The following BDP1 variants were observed in gnomAD, a reference collection of about 807,000 sequenced individuals.
BDP1 encodes the protein transcription factor TFIIIB component B'' homolog.
BDP1 carries 169 observed loss-of-function variants against 266.6 expected under a neutral mutation model. The ratio of observed to expected loss-of-function variants is 0.63; its 90% CI spans 0.56 to 0.72. The LOEUF (loss-of-function observed/expected upper bound fraction) is 0.72. Ranked by LOEUF, BDP1 falls within the 30% of genes least tolerant of loss-of-function variation. The pLI, the probability that BDP1 is intolerant of heterozygous loss-of-function variation, is 0.00. For missense variants in BDP1, 3,015 were observed against 3,053.8 expected, an observed-to-expected ratio of 0.99 and a Z score of 0.30; for synonymous variants, 1,090 against 1,022.4, an observed-to-expected ratio of 1.07 and a Z score of -1.26.
intron 7 of BDP1, among the ~76,000 whole-genome samples, chr5:71,481,727 C>T (rs1762981388): frequency 6.6e-6 from 1 of 152,156 alleles, no homozygotes. Context: ...ATCTGATTTA[C>T]AGAAAATAAT....
chr5:71,556,390 A>T (rs1004859967), intron 35 of BDP1, among the ~76,000 whole-genome samples: 2 of 151,940 alleles, frequency 1.3e-5, no homozygotes, highest in African/African-American at 4.8e-5. Context: ...AGTGTTTATT[A>T]TGTGGGATGC....
At chr5:71,549,245 C>CA (rs1481003434) in intron 33 of BDP1, among the ~76,000 whole-genome samples, 175 bp from the exon 34 acceptor site, 4 of 151,866 alleles carry the variant, frequency 2.6e-5, no homozygotes, top group Non-Finnish European at 5.9e-5. Flanking sequence ...CTCCCCCCCG[C>CA]AAAAAAGGAG....
At chr5:71,571,621 G>GTTTA (rs58181798), downstream of BDP1, among the ~76,000 whole-genome samples, 119,745 of 151,454 alleles carry the variant, frequency 0.79, 47,834 homozygotes, top group East Asian at 0.88. Flanking sequence ...CAATCCTGAA[G>GTTTA]TTTATTTTAA....
Position 71,487,279 on chromosome 5 carries a change from T to C in BDP1, c.1213+652T>C, listed in dbSNP as rs552624693. Among the ~76,000 whole-genome samples, 218 of 152,272 alleles carry C rather than the reference T, an allele frequency of 1.4e-3. 1 individual carries two copies. Among genetic ancestry groups the C allele is most frequent in the African/African-American group, 4.9e-3 (205 of 41,570 alleles). ...TTTTTTGAGACAGAGTTTCGCTCTG[T>C]TGCCCAGGCTGGAGTGCAGTGGCAC... On this transcript the variant is annotated intron_variant, in intron 9 of 38. Transcript: ENST00000358731.
In BDP1 at chr5:71,552,046, G is replaced by A. The variant is rs1464501663; in HGVS notation, c.6996-1070G>A. On this transcript the variant is annotated intron_variant, in intron 34 of 38. Transcript: ENST00000358731. Reference sequence around the variant, plus strand: ...GACGGGGTGGCTGCCGGGCGGAGACGCTCCTCACTTCCCAGACGGGGTGGC... The same window carrying A: ...GACGGGGTGGCTGCCGGGCGGAGACACTCCTCACTTCCCAGACGGGGTGGC... Among the ~76,000 whole-genome samples, 228 of 144,202 alleles carry A rather than the reference G, an allele frequency of 1.6e-3. 1 individual carries two copies. Among genetic ancestry groups the A allele is most frequent in the Admixed American group, 3.1e-3 (45 of 14,730 alleles). 94.6% of individuals were successfully genotyped at this position (144,202 alleles called of 152,430 possible).
At chr5:71,540,189 T>C (rs1766881108) in intron 28 of BDP1, among the ~76,000 whole-genome samples, 1 of 152,218 alleles carries the variant, frequency 6.6e-6, no homozygotes, top group East Asian at 1.9e-4. Context: ...GTGATAAATC[T>C]TTACTATCTC....
chr5:71,524,223 A>C lies in BDP1; in HGVS notation c.5672A>C (p.His1891Pro), dbSNP rs962441423. 3 of 1,614,092 alleles carry C rather than the reference A, an allele frequency of 1.9e-6. No individual in the cohort carries two copies. The African/African-American group carries it at 4.0e-5, about 22-fold the overall frequency. Residue 1891 changes from histidine (H) to proline (P), a missense_variant, in exon 25 of 39, where the codon CAT becomes CCT. This residue lies in a region of BDP1 where 2,383 missense variants were observed against 2,404.9 expected (regional missense o/e 0.99). Coordinates refer to ENST00000358731, the MANE Select transcript of BDP1 (RefSeq NM_018429.3). ...TCTGACTATGAGGAAGAAAGCTATCATCTTGCTCCCGAAGAAGTAAACAAA... is the reference window on the plus strand; with the variant it reads ...TCTGACTATGAGGAAGAAAGCTATCCTCTTGCTCCCGAAGAAGTAAACAAA... Reference protein sequence around the residue: ...FESDYEEESYHLAPEEVNKAP... With the variant: ...FESDYEEESYPLAPEEVNKAP...
At chr5:71,543,748 G>A (rs976834111) in intron 30 of BDP1, among the ~76,000 whole-genome samples, 2 of 152,180 alleles carry the variant, frequency 1.3e-5, no homozygotes, top group African/African-American at 4.8e-5. Context: ...TACATATCAA[G>A]CAATTCAGCT....
chr5:71,514,029 G>T (rs887748203), intron 19 of BDP1, among the ~76,000 whole-genome samples: 1 of 151,914 alleles, frequency 6.6e-6, no homozygotes, highest in African/African-American at 2.4e-5. Flanking sequence ...GAGAATAATC[G>T]TTTTTTATTT....
intron 34 of BDP1, among the ~76,000 whole-genome samples, chr5:71,552,686 G>A (rs1742926692): frequency 1.3e-5 from 2 of 149,652 alleles, no homozygotes; most frequent in South Asian, 2.1e-4. Flanking sequence ...CAGGTGTGGT[G>A]TCGCGCGCCT....
In BDP1 at chr5:71,466,706, A is replaced by T. The variant is rs1244174734; in HGVS notation, c.785+485A>T. On this transcript the variant is annotated intron_variant, in intron 5 of 38. Transcript: ENST00000358731. ...GGTTTAATTTCTCAGTTATAACATTAAATTTTGCACATTGGGCATTGTGGA... is the reference window on the plus strand; with the variant it reads ...GGTTTAATTTCTCAGTTATAACATTTAATTTTGCACATTGGGCATTGTGGA... Among the ~76,000 whole-genome samples the T allele has an allele frequency of 2.0e-5, 3 of 152,158 alleles. No homozygotes were observed. The South Asian group carries it at 6.2e-4, about 31-fold the overall frequency.
chr5:71,493,275 G>C (rs953012306), intron 11 of BDP1, among the ~76,000 whole-genome samples: 2 of 152,140 alleles, frequency 1.3e-5, no homozygotes, highest in Non-Finnish European at 2.9e-5. Flanking sequence ...ATTAAAAAAT[G>C]TTGTGACAGG....
At position 71,480,381 on chromosome 5, in the gene BDP1, G is replaced by A. The variant is rs192585821; in HGVS notation, c.1015-3461G>A. Reference sequence around the variant, plus strand: ...AATCTCTTGACCTTGTGATCCACCCGCCTTGGCCTCCCAAAGTGCTGGGAT... The same window carrying A: ...AATCTCTTGACCTTGTGATCCACCCACCTTGGCCTCCCAAAGTGCTGGGAT... On this transcript the variant is annotated intron_variant, in intron 7 of 38. Coordinates refer to ENST00000358731, the MANE Select transcript of BDP1 (RefSeq NM_018429.3). Among the ~76,000 whole-genome samples the A allele has an allele frequency of 4.6e-3, 639 of 139,570 alleles. 6 individuals carry two copies. Among genetic ancestry groups the A allele is most frequent in the African/African-American group, 0.016 (604 of 37,660 alleles). The allele number at this position is 139,570 out of a possible 152,430, so 91.6% of individuals were successfully genotyped here.
intron 7 of BDP1, among the ~76,000 whole-genome samples, chr5:71,475,233 A>G (rs1239950762): frequency 6.6e-6 from 1 of 152,024 alleles, no homozygotes; most frequent in East Asian, 1.9e-4. Context: ...TCGGCTTCCT[A>G]GGTAGCTGGG....
intron 37 of BDP1, among the ~76,000 whole-genome samples, chr5:71,560,766 G>GA (rs1191181236): frequency 3.3e-5 from 5 of 152,198 alleles, no homozygotes; most frequent in Admixed American, 2.6e-4. Flanking sequence ...GCATCCAGAA[G>GA]ATTAATGTGG....
intron 18 of BDP1, 96 bp from the exon 19 acceptor site, chr5:71,513,085 AAAAT>A: frequency 1.5e-5 from 11 of 731,306 alleles, no homozygotes; most frequent in South Asian, 6.4e-5. Flanking sequence ...AAAAAAAAAA[AAAAT>A]TAAATGTTTA....
intron 38 of BDP1, among the ~76,000 whole-genome samples, chr5:71,564,013 T>G (rs576595539): frequency 6.6e-6 from 1 of 152,384 alleles, no homozygotes; most frequent in Admixed American, 6.5e-5. Context: ...CTTTTACATT[T>G]AAATCTTTTG....
Position 71,489,660 on chromosome 5 carries a change from T to C in BDP1, c.1470T>C (p.Pro490=). 5 of 1,605,936 alleles carry C rather than the reference T, an allele frequency of 3.1e-6. No homozygotes were observed. Among genetic ancestry groups the C allele is most frequent in the Non-Finnish European group, 4.2e-6 (5 of 1,178,058 alleles). The change falls in exon 10 of 39, where the codon CCT becomes CCC. Residue 490 remains proline (P), a synonymous_variant. Transcript: ENST00000358731. ...LLENATVQAG[P]SKGEKHKNKC... The stretch of plus-strand genomic sequence containing the variant: ...AAAATGCCACTGTTCAGGCGGGTCC[T>C]TCTAAAGGAGAAAAACACAAGAGTA...
chr5:71,515,193 GA>G, intron 20 of BDP1, 71 bp downstream of exon 20: 1 of 1,193,624 alleles, frequency 8.4e-7, no homozygotes, highest in East Asian at 2.7e-5. Context: ...AATTTTTATT[GA>G]GATATGTTAA....
Sources: allele counts gnomAD v4.1 joint callset (sites outside exome capture counted in the v4.1 genomes callset), GRCh38; gene constraint gnomAD v4.1.1; regional missense constraint gnomAD v4.1.1; transcripts MANE v1.5; gene names NCBI Gene and HGNC (gene_info 2026-07-23, HGNC 2026-07-21).